Variants in GCNT1 observed in about 807,000 individuals in gnomAD.
The protein encoded by GCNT1 is glucosaminyl (N-acetyl) transferase 1, also known as beta-1,3-galactosyl-O-glycosyl-glycoprotein beta-1,6-N-acetylglucosaminyltransferase.
Under a neutral mutation model 26.2 loss-of-function variants are expected in GCNT1, and 16 were observed. That is an observed-to-expected ratio of 0.61 (90% confidence interval 0.41 to 0.93). The LOEUF is 0.93. GCNT1 is among the 40% of genes least tolerant of loss of function. GCNT1 has a pLI of 0.00. For missense variants in GCNT1, 477 were observed against 526.7 expected (o/e 0.91, Z 0.92); for synonymous variants, 183 against 190.8 (o/e 0.96, Z 0.34).
chr9:76,441,004 G>T (rs1306585619), upstream of GCNT1, among the ~76,000 whole-genome samples: 1 of 146,230 alleles, frequency 6.8e-6, no homozygotes, highest in African/African-American at 2.5e-5. Flanking sequence ...GGCGGAGGTT[G>T]CAGTGAGCCA....
chr9:76,433,075 T>C (rs1195197516), intron 1 of GCNT1, among the ~76,000 whole-genome samples: 1 of 152,130 alleles, frequency 6.6e-6, no homozygotes, highest in Non-Finnish European at 1.5e-5. Context: ...AGCTGTTTCA[T>C]TAGCTGTTTC....
the GCNT1 span, chr9:76,394,347 G>A: frequency 7.3e-6 from 4 of 544,484 alleles, no homozygotes; most frequent in African/African-American, 6.1e-5. Flanking sequence ...AATCCCTGAC[G>A]CCGCCGACCC....
chr9:76,418,366 G>A (rs1823150400), upstream of GCNT1, among the ~76,000 whole-genome samples: 1 of 152,098 alleles, frequency 6.6e-6, no homozygotes, highest in African/African-American at 2.4e-5. Flanking sequence ...TGTACATGCT[G>A]GTCAACTTTT....
rs35387152 is a variant in GCNT1, at chr9:76,467,897, G to GTTTTTTTT, written c.-290+7742_-290+7749dup. 1.7e-4 allele frequency among the ~76,000 whole-genome samples: 10 copies of GTTTTTTTT among 59,094 alleles called. 1 individual carries two copies. The highest frequency in any genetic ancestry group is 4.3e-4 in the African/African-American group (6 of 13,814). The allele number at this position is 59,094 out of a possible 152,430, so 38.8% of individuals were successfully genotyped here. ...GAATGCCAGTGGTCCCTCTTTCAGT[G>GTTTTTTTT]TTTTTTTTTTTTTTTTTTTTTTTTT... On this transcript the variant is annotated intron_variant, in intron 2 of 3. Coordinates refer to ENST00000376730, the MANE Select transcript of GCNT1 (RefSeq NM_001490.5).
intron 2 of GCNT1, among the ~76,000 whole-genome samples, chr9:76,465,718 G>A (rs1235074889): frequency 6.6e-6 from 1 of 152,222 alleles, no homozygotes; most frequent in African/African-American, 2.4e-5. Context: ...TGGCGTAGCA[G>A]CACTGGATAA....
chr9:76,452,729 A>G (rs894799614), intron 1 of GCNT1, among the ~76,000 whole-genome samples: 2 of 152,122 alleles, frequency 1.3e-5, no homozygotes, highest in Admixed American at 6.5e-5. Context: ...ATCACACTCC[A>G]TCAGGCCCCA....
chr9:76,403,705 A>G, the GCNT1 span, among the ~76,000 whole-genome samples: 1 of 152,160 alleles, frequency 6.6e-6, no homozygotes, highest in Admixed American at 6.5e-5. Flanking sequence ...TTCCTCAATC[A>G]CAAAAGATAA....
At chr9:76,499,136 C>T (rs1256692056) in intron 2 of GCNT1, among the ~76,000 whole-genome samples, 2 of 151,658 alleles carry the variant, frequency 1.3e-5, no homozygotes. Context: ...GGTTAACAAT[C>T]CTTTTTTTTG....
At chr9:76,409,947 A>G in the GCNT1 span, among the ~76,000 whole-genome samples, 1 of 151,964 alleles carries the variant, frequency 6.6e-6, no homozygotes, top group African/African-American at 2.4e-5. Context: ...AAATTTTGAT[A>G]AGTTGTGGTT....
intron 2 of GCNT1, among the ~76,000 whole-genome samples, chr9:76,494,031 C>T (rs896666014): frequency 6.6e-6 from 1 of 152,072 alleles, no homozygotes; most frequent in Non-Finnish European, 1.5e-5. Flanking sequence ...GAGTGTTTCC[C>T]ATCTGAAAGA....
chr9:76,502,574 G>T lies in GCNT1; in HGVS notation c.193G>T (p.Gly65Cys). ...TATTAATTGCACCAAAGTTTTACAGGGTGATGTAAATGAAATCCAAAAGGT... is the reference window on the plus strand; with the variant it reads ...TATTAATTGCACCAAAGTTTTACAGTGTGATGTAAATGAAATCCAAAAGGT... ...SDINCTKVLQ[G>C]DVNEIQKVKL... The change falls in exon 4 of 4, where the codon GGT (glycine) becomes TGT (cysteine). Residue 65 changes from glycine (G) to cysteine (C), a missense_variant. Coordinates refer to ENST00000376730, the MANE Select transcript of GCNT1 (RefSeq NM_001490.5). 2 of 1,613,736 alleles carry T rather than the reference G, an allele frequency of 1.2e-6. No individual in the cohort carries two copies. Among genetic ancestry groups the T allele is most frequent in the Non-Finnish European group, 1.7e-6 (2 of 1,179,782 alleles).
intron 2 of GCNT1, among the ~76,000 whole-genome samples, chr9:76,475,070 C>T (rs1250718307): frequency 6.6e-6 from 1 of 152,196 alleles, no homozygotes; most frequent in African/African-American, 2.4e-5. Context: ...CGCCACCACG[C>T]CCGGCTTTCT....
chr9:76,503,900 T>C lies in GCNT1; in HGVS notation c.*232T>C, dbSNP rs1445649970. 1 of 536,520 alleles carries C rather than the reference T, an allele frequency of 1.9e-6. No homozygotes were observed. The highest frequency in any genetic ancestry group is 3.5e-6 in the Non-Finnish European group (1 of 288,742). 33.2% of individuals were successfully genotyped at this position (536,520 alleles called of 1,614,324 possible). A position where few individuals can be genotyped will look rare whatever the true frequency, so the allele number is the denominator to read the frequency against. On this transcript the variant is annotated 3_prime_UTR_variant, in exon 4 of 4. Transcript: ENST00000376730. Reference sequence around the variant, plus strand: ...AATAGTGGGAGGAGTAAAGGTAGCCTTGAGGCCAGAGCAGGTAGCAAGGCA... The same window carrying C: ...AATAGTGGGAGGAGTAAAGGTAGCCCTGAGGCCAGAGCAGGTAGCAAGGCA...
At chr9:76,472,780 G>C (rs1424428228) in intron 2 of GCNT1, among the ~76,000 whole-genome samples, 2 of 131,738 alleles carry the variant, frequency 1.5e-5, no homozygotes, top group East Asian at 4.2e-4. Context: ...ATGGAGTCTC[G>C]CTCTGTCACC....
At position 76,503,876 on chromosome 9, in the gene GCNT1, A is replaced by T; in HGVS notation, c.*208A>T. 1 of 576,432 alleles carries T rather than the reference A, an allele frequency of 1.7e-6. No homozygotes were observed. The highest frequency in any genetic ancestry group is 3.1e-5 in the East Asian group (1 of 32,772). 35.7% of individuals were successfully genotyped at this position (576,432 alleles called of 1,614,324 possible). A position where few individuals can be genotyped will look rare whatever the true frequency, so the allele number is the denominator to read the frequency against. On this transcript the variant is annotated 3_prime_UTR_variant, in exon 4 of 4. Coordinates refer to ENST00000376730, the MANE Select transcript of GCNT1 (RefSeq NM_001490.5). ...AGCATTAAATGTTCATCTAGAGTTA[A>T]TAGTGGGAGGAGTAAAGGTAGCCTT...
intron 2 of GCNT1, among the ~76,000 whole-genome samples, chr9:76,462,340 G>T (rs1047091987): frequency 2.6e-5 from 4 of 152,164 alleles, no homozygotes; most frequent in African/African-American, 9.7e-5. Context: ...CTTTGTCACT[G>T]GATTTGTGGC....
chr9:76,395,713 C>G, the GCNT1 span, among the ~76,000 whole-genome samples: 1 of 152,148 alleles, frequency 6.6e-6, no homozygotes, highest in South Asian at 2.1e-4. Flanking sequence ...TGGTCAGTTA[C>G]TTATCTATAC....
the GCNT1 span, among the ~76,000 whole-genome samples, chr9:76,407,238 A>C: frequency 1.3e-5 from 2 of 151,828 alleles, no homozygotes; most frequent in Non-Finnish European, 2.9e-5. Context: ...CTAAAATAGG[A>C]TTTATATATT....
At chr9:76,428,526 A>G (rs575444552) in intron 1 of GCNT1, among the ~76,000 whole-genome samples, 37 of 152,108 alleles carry the variant, frequency 2.4e-4, no homozygotes, top group Admixed American at 1.8e-3. Flanking sequence ...GTTTTTAAAA[A>G]GAAACAGAAC....
Sources: gnomAD v4.1 joint callset for allele counts (sites outside exome capture counted in the v4.1 genomes callset) on GRCh38, gnomAD v4.1.1 for gene constraint, MANE v1.5 for transcripts, NCBI Gene and HGNC (gene_info 2026-07-23, HGNC 2026-07-21) for gene names.